MGAM: variants seen among roughly 807,000 people sequenced by gnomAD.
MGAM encodes the protein alpha-1,4-glucosidase.
Under a neutral mutation model 358.8 loss-of-function variants are expected in MGAM, and 253 were observed. The observed-to-expected ratio is 0.71, with a 90% CI of 0.64 to 0.78. The LOEUF (loss-of-function observed/expected upper bound fraction) is 0.78, where lower values mean the gene tolerates loss of function less well. Among genes scored for constraint, MGAM ranks in the 30% least tolerant of loss-of-function variants. The pLI is 0.00. For missense variants in MGAM, 3,080 were observed against 3,432.6 expected (o/e 0.90, Z 2.57); for synonymous variants, 1,105 against 1,227.1 (o/e 0.90, Z 2.08).
At position 142,052,891 on chromosome 7, in the gene MGAM, G is replaced by C. The variant is rs769909883; in HGVS notation, c.3066G>C (p.Lys1022Asn). ...SHGATADISLKSSVYANAFPS... is the reference protein window; with the variant it reads ...SHGATADISLNSSVYANAFPS... The stretch of plus-strand genomic sequence containing the variant: ...GGGCCACAGCTGACATCTCCTTAAA[G>C]TCTTCCGTTTATGCCAATGCCTTCC... Residue 1022 changes from lysine to asparagine, a missense_variant, in exon 26 of 71, where the codon AAG becomes AAC. By Grantham distance (94) the Lys-to-Asn change is moderately conservative. Around this residue, in one of 5 missense-constraint regions of MGAM, gnomAD observed 1,816 missense variants for 1,840.5 expected, o/e 0.99. Transcript: ENST00000475668. 2 of 1,613,824 alleles carry C rather than the reference G, an allele frequency of 1.2e-6. No individual in the cohort carries two copies. Among genetic ancestry groups the C allele is most frequent in the South Asian group, 1.1e-5 (1 of 91,064 alleles).
chr7:142,005,948 C>T (rs1277839792), intron 2 of MGAM, among the ~76,000 whole-genome samples: 3 of 151,860 alleles, frequency 2.0e-5, no homozygotes, highest in African/African-American at 7.3e-5. Flanking sequence ...TGATAATTAA[C>T]AATACCCTTA....
In MGAM at chr7:142,008,713, T is replaced by A; in HGVS notation, c.327+8T>A. ...GACCAGCCGCCAACAAAGGTTTGAG[T>A]TATGAATTTTGTTTCCATTTTAGAA... On this transcript the variant is annotated splice_region_variant and intron_variant, in intron 3 of 70. Coordinates refer to ENST00000475668, the MANE Select transcript of MGAM (RefSeq NM_001365693.1). 1 of 1,605,392 alleles carries A rather than the reference T, an allele frequency of 6.2e-7. No individual in the cohort carries two copies. The highest frequency in any genetic ancestry group is 8.5e-7 in the Non-Finnish European group (1 of 1,176,114).
At chr7:142,005,193 T>C (rs1463818378) in intron 1 of MGAM, among the ~76,000 whole-genome samples, 3 of 152,070 alleles carry the variant, frequency 2.0e-5, no homozygotes, top group Admixed American at 6.6e-5. Flanking sequence ...TCACTAGATA[T>C]TTGATGACAG....
At chr7:142,050,634 T>G (rs574205344) in intron 23 of MGAM, 63 bp from the exon 24 acceptor site, 191 of 1,498,180 alleles carry the variant, frequency 1.3e-4, no homozygotes, top group Non-Finnish European at 1.7e-4. Flanking sequence ...AATATTTGAG[T>G]GACTTGAGAA....
rs567532342 is a variant in MGAM, at chr7:141,996,495, T to C, written c.-3+565T>C. Among the ~76,000 whole-genome samples the C allele has an allele frequency of 8.5e-5, 13 of 152,310 alleles. No individual in the cohort carries two copies. The East Asian group carries it at 2.5e-3, about 29-fold the overall frequency. ...GTAGTGAAACCTGTGTGTTTGTGTG[T>C]GTTTCTGTGTGAGGTGTGATGAATT... On this transcript the variant is annotated intron_variant, in intron 1 of 70. Coordinates refer to ENST00000475668, the MANE Select transcript of MGAM (RefSeq NM_001365693.1).
At position 142,052,073 on chromosome 7, in the gene MGAM, C is replaced by G. The variant is rs548599898; in HGVS notation, c.2806-221C>G. 4.6e-5 allele frequency among the ~76,000 whole-genome samples: 7 copies of G among 152,210 alleles called. No homozygotes were observed. In the South Asian group the frequency reaches 1.4e-3, roughly 32 times the overall value. ...ATTTGACCTAACTGTTTTCATTATG[C>G]TAAGTACAAGATTGTGCTAGAGGGG... On this transcript the variant is annotated intron_variant, in intron 24 of 70. Coordinates refer to ENST00000475668, the MANE Select transcript of MGAM (RefSeq NM_001365693.1).
At chr7:142,062,532 T>A in intron 34 of MGAM, 36 bp from the exon 35 acceptor site, 3 of 1,526,584 alleles carry the variant, frequency 2.0e-6, no homozygotes, top group Non-Finnish European at 2.6e-6. Flanking sequence ...CTTCTATATT[T>A]GTGTGGGACA....
intron 21 of MGAM, among the ~76,000 whole-genome samples, chr7:142,042,049 TA>T (rs1394074101): frequency 4.4e-5 from 2 of 45,676 alleles, no homozygotes; most frequent in East Asian, 1.1e-3. Flanking sequence ...ATATAATATA[TA>T]ATATATATAC....
chr7:142,101,362 A>G (rs1352313516), intron 68 of MGAM, among the ~76,000 whole-genome samples: 1 of 151,714 alleles, frequency 6.6e-6, no homozygotes, highest in African/African-American at 2.4e-5. Flanking sequence ...GTGCTATCCA[A>G]TAGAACTTTC....
At chr7:142,009,921 A>G (rs782321246) in intron 3 of MGAM, among the ~76,000 whole-genome samples, 12 of 152,142 alleles carry the variant, frequency 7.9e-5, no homozygotes, top group Non-Finnish European at 1.2e-4. Flanking sequence ...CTGAAAGAGG[A>G]TGGTGGGAAG....
Position 142,008,646 on chromosome 7 carries a change from T to A in MGAM, c.268T>A (p.Cys90Ser), listed in dbSNP as rs1358768865. The change falls in exon 3 of 71, where the codon TGT becomes AGT. Residue 90 changes from cysteine to serine, a missense_variant. Physicochemically the swap from Cys to Ser is moderately radical, Grantham distance 112 (BLOSUM62 -1). Coordinates refer to ENST00000475668, the MANE Select transcript of MGAM (RefSeq NM_001365693.1). ...TTGTTPVSAE[C>S]PVVNELERIN... Reference sequence around the variant, plus strand: ...TGGTACCACTCCTGTTTCTGCTGAATGTCCAGTGGTAAATGAATTGGAACG... The same window carrying A: ...TGGTACCACTCCTGTTTCTGCTGAAAGTCCAGTGGTAAATGAATTGGAACG... 6.2e-6 allele frequency: 10 copies of A among 1,613,290 alleles called. No individual in the cohort carries two copies. Among genetic ancestry groups the A allele is most frequent in the Non-Finnish European group, 7.6e-6 (9 of 1,179,538 alleles).
intron 66 of MGAM, among the ~76,000 whole-genome samples, chr7:142,098,127 CA>C (rs1238080250): frequency 6.6e-6 from 1 of 152,130 alleles, no homozygotes; most frequent in Non-Finnish European, 1.5e-5. Flanking sequence ...CTAAGGTAAG[CA>C]AGTGATTAGG....
In MGAM at chr7:142,093,448, C is replaced by T. The variant is rs767226104; in HGVS notation, c.7070C>T (p.Thr2357Ile). The T allele has an allele frequency of 2.0e-6, 3 of 1,537,446 alleles. No individual in the cohort carries two copies. The South Asian group carries it at 3.5e-5, about 18-fold the overall frequency. ...AGGGACAGGGGCCTGAGCAGCAAGA[C>T]CCTGTGCATGGAGAGTCAGCAGATC... ...ESRDRGLSSK[T>I]LCMESQQILP... Residue 2357 changes from threonine to isoleucine, a missense_variant, in exon 60 of 71, where the codon ACC (threonine) becomes ATC (isoleucine). This residue lies in a region of MGAM where 932 missense variants were observed against 1,198.2 expected (regional missense o/e 0.78). Transcript: ENST00000475668.
At chr7:142,045,826 AT>A (rs201535922) in intron 21 of MGAM, among the ~76,000 whole-genome samples, 3 of 122,134 alleles carry the variant, frequency 2.5e-5, no homozygotes, top group Admixed American at 9.5e-5. Context: ...TATATGATAT[AT>A]ATTATATATA....
chr7:141,997,687 C>T (rs141908294), intron 1 of MGAM, among the ~76,000 whole-genome samples: 1 of 152,006 alleles, frequency 6.6e-6, no homozygotes, highest in African/African-American at 2.4e-5. Flanking sequence ...GAAACTGAGA[C>T]CCAGAGGGGT....
chr7:141,992,666 T>C (rs1803997538), upstream of MGAM, among the ~76,000 whole-genome samples: 1 of 152,184 alleles, frequency 6.6e-6, no homozygotes, highest in Non-Finnish European at 1.5e-5. Context: ...CACTGCAGCC[T>C]TGACCCCCAG....
At chr7:142,010,404 T>C (rs782122451) in intron 3 of MGAM, among the ~76,000 whole-genome samples, 43 of 152,304 alleles carry the variant, frequency 2.8e-4, no homozygotes, top group Admixed American at 7.2e-4. Flanking sequence ...AGTAGTTCTA[T>C]TAAGCTTCTA....
chr7:142,031,915 A>T, intron 13 of MGAM, 122 bp downstream of exon 13: 1 of 624,712 alleles, frequency 1.6e-6, no homozygotes, highest in Non-Finnish European at 2.8e-6. Flanking sequence ...TATAACAATC[A>T]CTCTCAATAT....
chr7:142,006,387 T>G (rs563592653), intron 2 of MGAM, among the ~76,000 whole-genome samples: 5 of 152,210 alleles, frequency 3.3e-5, no homozygotes, highest in African/African-American at 1.2e-4. Flanking sequence ...CCCGGGCATT[T>G]TTCTGCTAAA....
Sources: allele counts gnomAD v4.1 joint callset (sites outside exome capture counted in the v4.1 genomes callset), GRCh38; gene constraint gnomAD v4.1.1; regional missense constraint gnomAD v4.1.1; transcripts MANE v1.5; gene names NCBI Gene and HGNC (gene_info 2026-07-23, HGNC 2026-07-21).